UGT1A10: variants seen among roughly 807,000 people sequenced by gnomAD.
UGT1A10 encodes UDP glucuronosyltransferase family 1 member A10.
A neutral mutation model predicts 45.8 loss-of-function variants in UGT1A10; 49 were observed. That is an observed-to-expected ratio of 1.07 (90% CI 0.85 to 1.36). The LOEUF (loss-of-function observed/expected upper bound fraction) is 1.36. UGT1A10 is among the 40% of genes most tolerant of loss of function. The pLI is 0.00. For missense variants in UGT1A10, 745 were observed against 668.6 expected, an observed-to-expected ratio of 1.11 and a Z score of -1.26; for synonymous variants, 284 against 249.7, an observed-to-expected ratio of 1.14 and a Z score of -1.29.
chr2:233,705,916 C>A (rs1399675251), intron 1 of UGT1A10, among the ~76,000 whole-genome samples: 4 of 152,120 alleles, frequency 2.6e-5, no homozygotes, highest in Admixed American at 6.5e-5. Flanking sequence ...AGTGAAACTC[C>A]TTCTCTACTA....
intron 1 of UGT1A10, chr2:233,713,481 T>C (rs1386809200): frequency 3.1e-6 from 5 of 1,614,080 alleles, no homozygotes; most frequent in Non-Finnish European, 4.2e-6. Context: ...GCTGGCTAAG[T>C]ACCTGTCGAT....
chr2:233,772,483 G>A lies in UGT1A10; in HGVS notation c.1517G>A (p.Cys506Tyr), dbSNP rs1700526717. The A allele has an allele frequency of 1.2e-6, 2 of 1,614,146 alleles. No individual in the cohort carries two copies. Among genetic ancestry groups the A allele is most frequent in the Non-Finnish European group, 1.7e-6 (2 of 1,180,048 alleles). Reference protein sequence around the residue: ...VLTVAFITFKCCAYGYRKCLG... With the variant: ...VLTVAFITFKYCAYGYRKCLG... ...ACAGTGGCCTTCATCACCTTTAAAT[G>A]TTGTGCTTATGGCTACCGGAAATGC... The change falls in exon 5 of 5, where the codon TGT becomes TAT. Residue 506 changes from cysteine to tyrosine, a missense_variant. Cys to Tyr is a radical substitution (Grantham distance 194, BLOSUM62 -2). Transcript: ENST00000344644.
At chr2:233,646,941 G>A (rs1378989051) in intron 1 of UGT1A10, among the ~76,000 whole-genome samples, 3 of 152,176 alleles carry the variant, frequency 2.0e-5, no homozygotes, top group African/African-American at 4.8e-5. Flanking sequence ...ATAAAGACAT[G>A]CCTGAGACTA....
rs577014868 is a variant in UGT1A10, at chr2:233,772,525, G to A, written c.1559G>A (p.Arg520Gln). 2.1e-5 allele frequency: 34 copies of A among 1,614,136 alleles called. 1 individual carries two copies. In the South Asian group the frequency reaches 2.9e-4, roughly 14 times the overall value. The stretch of plus-strand genomic sequence containing the variant: ...CGGAAATGCTTGGGGAAAAAAGGGC[G>A]AGTTAAGAAAGCCCACAAATCCAAG... ...GYRKCLGKKG[R>Q]VKKAHKSKTH The change falls in exon 5 of 5, where the codon CGA becomes CAA. Residue 520 changes from arginine (R) to glutamine (Q), a missense_variant. Transcript: ENST00000344644.
In UGT1A10 at chr2:233,772,305, C is replaced by T. The variant is rs201427749; in HGVS notation, c.1339C>T (p.Arg447Cys). Reference protein sequence around the residue: ...IMRLSSLHKDRPVEPLDLAVF... With the variant: ...IMRLSSLHKDCPVEPLDLAVF... Reference sequence around the variant, plus strand: ...GCGCCTCTCCAGCCTTCACAAGGACCGCCCGGTGGAGCCGCTGGACCTGGC... The same window carrying T: ...GCGCCTCTCCAGCCTTCACAAGGACTGCCCGGTGGAGCCGCTGGACCTGGC... Residue 447 changes from arginine to cysteine, a missense_variant, in exon 5 of 5, where the codon CGC (arginine) becomes TGC (cysteine). Physicochemically the swap from Arg to Cys is radical, Grantham distance 180. Transcript: ENST00000344644. 2.9e-5 allele frequency: 47 copies of T among 1,614,194 alleles called. No individual in the cohort carries two copies. Among genetic ancestry groups the T allele is most frequent in the Middle Eastern group, 1.6e-4 (1 of 6,062 alleles).
chr2:233,640,425 G>A (rs2073420507), intron 1 of UGT1A10, among the ~76,000 whole-genome samples: 1 of 151,748 alleles, frequency 6.6e-6, no homozygotes, highest in African/African-American at 2.4e-5. Flanking sequence ...TTGTTACACG[G>A]CCACAATATC....
intron 1 of UGT1A10, among the ~76,000 whole-genome samples, chr2:233,666,227 A>C (rs375139520): frequency 2.4e-4 from 36 of 152,260 alleles, no homozygotes; most frequent in Non-Finnish European, 3.2e-4. Flanking sequence ...AAGTTCACTC[A>C]TTACTGGGAG....
chr2:233,697,534 T>C (rs879329254), intron 1 of UGT1A10, among the ~76,000 whole-genome samples: 14 of 151,894 alleles, frequency 9.2e-5, no homozygotes, highest in Admixed American at 5.9e-4. Flanking sequence ...TTTTGTTTCA[T>C]TGGTCTTTGC....
At chr2:233,656,782 C>T (rs866947986) in intron 1 of UGT1A10, among the ~76,000 whole-genome samples, 47 of 152,120 alleles carry the variant, frequency 3.1e-4, no homozygotes, top group African/African-American at 1.1e-3. Flanking sequence ...TCCCGCTGGC[C>T]AGGAGGGTTC....
chr2:233,760,217 A>G, intron 1 of UGT1A10: 3 of 1,593,674 alleles, frequency 1.9e-6, no homozygotes, highest in Non-Finnish European at 2.6e-6. Context: ...AACTTGGTGT[A>G]TCGATTGGTT....
At chr2:233,638,287 A>G (rs1302115415) in intron 1 of UGT1A10, among the ~76,000 whole-genome samples, 1 of 152,134 alleles carries the variant, frequency 6.6e-6, no homozygotes, top group East Asian at 1.9e-4. Flanking sequence ...TTACTTTAGA[A>G]ACTATTTTGT....
At chr2:233,759,133 C>T (rs973211945) in intron 1 of UGT1A10, among the ~76,000 whole-genome samples, 1 of 152,206 alleles carries the variant, frequency 6.6e-6, no homozygotes, top group African/African-American at 2.4e-5. Flanking sequence ...CTCTGGTACG[C>T]AATGAAGGTG....
rs1371928943 is a variant in UGT1A10, at chr2:233,637,382, G to C, written c.855+5G>C. 5 of 1,611,012 alleles carry C rather than the reference G, an allele frequency of 3.1e-6. No individual in the cohort carries two copies. The highest frequency in any genetic ancestry group is 4.2e-6 in the Non-Finnish European group (5 of 1,177,934). On this transcript the variant is annotated splice_donor_5th_base_variant and intron_variant, in intron 1 of 4. Transcript: ENST00000344644. Reference sequence around the variant, plus strand: ...CAGGGAAAGCCATTGCCTATGGTAAGTCACCTCTCCTTTAGCACATTAAGA... The same window carrying C: ...CAGGGAAAGCCATTGCCTATGGTAACTCACCTCTCCTTTAGCACATTAAGA...
chr2:233,675,295 C>T (rs1028669928), intron 1 of UGT1A10, among the ~76,000 whole-genome samples: 3 of 152,086 alleles, frequency 2.0e-5, no homozygotes, highest in Non-Finnish European at 4.4e-5. Context: ...TACATTCCAG[C>T]GTTCTAATGT....
intron 1 of UGT1A10, chr2:233,692,815 A>G: frequency 7.0e-7 from 1 of 1,427,232 alleles, no homozygotes; most frequent in Non-Finnish European, 9.1e-7. Context: ...GTTGGTTCAT[A>G]TTAACCATGT....
intron 1 of UGT1A10, chr2:233,753,313 T>C (rs1338043588): frequency 2.0e-5 from 3 of 152,278 alleles, no homozygotes; most frequent in Non-Finnish European, 4.4e-5. Context: ...TGTGCCCCTG[T>C]GGGATGGTGC....
At chr2:233,645,789 G>T (rs1336810815) in intron 1 of UGT1A10, among the ~76,000 whole-genome samples, 1 of 152,204 alleles carries the variant, frequency 6.6e-6, no homozygotes, top group Admixed American at 6.5e-5. Flanking sequence ...GTGGCATTGA[G>T]TGTCTGTGGC....
intron 1 of UGT1A10, among the ~76,000 whole-genome samples, chr2:233,637,603 A>T (rs2073333392): frequency 6.6e-6 from 1 of 152,212 alleles, no homozygotes; most frequent in South Asian, 2.1e-4. Context: ...GATCATATTC[A>T]GGCTACATTT....
At chr2:233,768,469 G>T (rs1403858659) in intron 4 of UGT1A10, 30 bp downstream of exon 4, 1 of 1,603,172 alleles carries the variant, frequency 6.2e-7, no homozygotes, top group East Asian at 2.2e-5. Flanking sequence ...AGAATACTTT[G>T]GTCATGGCAT....
Sources: gnomAD v4.1 joint callset for allele counts (sites outside exome capture counted in the v4.1 genomes callset) on GRCh38, gnomAD v4.1.1 for gene constraint, MANE v1.5 for transcripts, NCBI Gene and HGNC (gene_info 2026-07-23, HGNC 2026-07-21) for gene names.